Variants in SLC8A1 observed in about 807,000 individuals in gnomAD.
SLC8A1 encodes the protein sodium/calcium exchanger 1.
A neutral mutation model predicts 68.3 loss-of-function variants in SLC8A1; 18 were observed. The observed-to-expected ratio is 0.26, with a 90% confidence interval of 0.18 to 0.39. The LOEUF (loss-of-function observed/expected upper bound fraction) is 0.39. Ranked by LOEUF, SLC8A1 falls within the 10% of genes least tolerant of loss-of-function variation. SLC8A1 has a pLI of 1.00. For missense variants in SLC8A1, 985 were observed against 1,156.7 expected (o/e 0.85, Z 2.15); for synonymous variants, 475 against 415.5 (o/e 1.14, Z -1.74).
At chr2:40,338,699 G>A (rs1263456518) in intron 2 of SLC8A1, among the ~76,000 whole-genome samples, 1 of 152,160 alleles carries the variant, frequency 6.6e-6, no homozygotes, top group Non-Finnish European at 1.5e-5. Context: ...GAAGTCACTA[G>A]GGATGATTCT....
chr2:40,205,986 A>T (rs2055366262), intron 2 of SLC8A1, among the ~76,000 whole-genome samples: 1 of 151,990 alleles, frequency 6.6e-6, no homozygotes. Flanking sequence ...GTGACACAAA[A>T]ATTCTCATTG....
At chr2:40,467,402 TG>T (rs1260525253) in intron 1 of SLC8A1, among the ~76,000 whole-genome samples, 2 of 151,770 alleles carry the variant, frequency 1.3e-5, no homozygotes, top group African/African-American at 4.8e-5. Context: ...CTGATGGGGG[TG>T]GGGGTGAAAG....
chr2:40,322,126 G>A (rs906873773), intron 2 of SLC8A1, among the ~76,000 whole-genome samples: 4 of 152,086 alleles, frequency 2.6e-5, no homozygotes, highest in African/African-American at 9.7e-5. Context: ...TGCACTGGAT[G>A]AGCTTAAGAA....
intron 2 of SLC8A1, chr2:40,251,212 T>G (rs886724641): frequency 2.0e-5 from 3 of 151,700 alleles, no homozygotes; most frequent in Non-Finnish European, 4.4e-5. Flanking sequence ...GTGTGTGAGG[T>G]AGATAAGCTT....
Position 40,313,922 on chromosome 2 carries a change from TATAA to T in SLC8A1, c.1808+114547_1808+114550del, listed in dbSNP as rs1468214561. 4.7e-4 allele frequency among the ~76,000 whole-genome samples: 71 copies of T among 152,238 alleles called. 1 individual carries two copies. Among genetic ancestry groups the T allele is most frequent in the African/African-American group, 1.6e-3 (66 of 41,574 alleles). ...TTTGAGCATTAATTAAATATTCTGA[TATAA>T]ATATTTTGTTAGATATACTATTTGC... On this transcript the variant is annotated intron_variant, in intron 2 of 7. Coordinates refer to ENST00000406785, the Ensembl canonical transcript of SLC8A1.
At chr2:40,400,556 A>T (rs929030309) in intron 2 of SLC8A1, among the ~76,000 whole-genome samples, 3 of 152,136 alleles carry the variant, frequency 2.0e-5, no homozygotes, top group Admixed American at 6.5e-5. Context: ...TCCTTTGTAA[A>T]ACTTTCATGG....
intron 2 of SLC8A1, chr2:40,255,057 T>TTTATTCCCTCTCCA (rs11274804): frequency 6.6e-6 from 1 of 151,810 alleles, no homozygotes; most frequent in South Asian, 2.1e-4. Context: ...TTCTTTCTCC[T>TTTATTCCCTCTCCA]TAAATGACAG....
intron 2 of SLC8A1, among the ~76,000 whole-genome samples, chr2:40,248,092 T>C (rs2062138326): frequency 6.6e-6 from 1 of 152,212 alleles, no homozygotes. Flanking sequence ...TTATGGATTT[T>C]TTAAAAACTG....
intron 2 of SLC8A1, among the ~76,000 whole-genome samples, chr2:40,270,547 T>C (rs1255695434): frequency 6.6e-6 from 1 of 152,210 alleles, no homozygotes; most frequent in Non-Finnish European, 1.5e-5. Context: ...CAACATTGCA[T>C]CTCTCTGACT....
At chr2:40,456,696 C>G (rs1195254635), upstream of SLC8A1, among the ~76,000 whole-genome samples, 1 of 152,180 alleles carries the variant, frequency 6.6e-6, no homozygotes, top group Non-Finnish European at 1.5e-5. Flanking sequence ...AGTTCCTGAT[C>G]ATAGTAATTG....
intron 4 of SLC8A1, among the ~76,000 whole-genome samples, chr2:40,166,189 C>T (rs142337622): frequency 2.0e-5 from 3 of 152,134 alleles, no homozygotes; most frequent in Admixed American, 6.6e-5. Context: ...TGGCCTCCCC[C>T]CTGCTGAGGG....
chr2:40,110,754 A>C (rs1170549323), exon 8 of SLC8A1: 1 of 152,186 alleles, frequency 6.6e-6, no homozygotes, highest in Non-Finnish European at 1.5e-5. Flanking sequence ...GTCAGAATCA[A>C]CAGAGAGACT....
rs70957143 is a variant in SLC8A1 at position 40,107,279 on chromosome 2, C to CAAAAAAAAAAAAAAAAAAAAAA, written c.*7973_*7974insTTTTTTTTTTTTTTTTTTTTTT. ...TGGGCGACAGAGCGAGACTCCGTCT[C>CAAAAAAAAAAAAAAAAAAAAAA]AAAAAAAAAAAAAAAAAAAAGAAAA... On this transcript the variant is annotated 3_prime_UTR_variant, in exon 8 of 8. Transcript: ENST00000406785. The CAAAAAAAAAAAAAAAAAAAAAA allele has an allele frequency of 1.1e-3, 72 of 64,898 alleles. 2 individuals are homozygous for CAAAAAAAAAAAAAAAAAAAAAA. The highest frequency in any genetic ancestry group is 3.9e-3 in the African/African-American group (63 of 16,120). 4.0% of individuals were successfully genotyped at this position (64,898 alleles called of 1,614,324 possible).
At chr2:40,372,582 T>C (rs113469179) in intron 2 of SLC8A1, among the ~76,000 whole-genome samples, 3,814 of 152,248 alleles carry the variant, frequency 0.025, 62 homozygotes, top group Non-Finnish European at 0.037. Flanking sequence ...TGTGGTTGAC[T>C]TCTTTTCTTT....
At position 40,198,865 on chromosome 2, in the gene SLC8A1, A is replaced by G. The variant is rs2053592138; in HGVS notation, c.1809-21010T>C. Among the ~76,000 whole-genome samples, 3 of 151,620 alleles carry G rather than the reference A, an allele frequency of 2.0e-5. No individual in the cohort carries two copies. In the South Asian group the frequency reaches 6.2e-4, roughly 31 times the overall value. On this transcript the variant is annotated intron_variant, in intron 2 of 7. Transcript: ENST00000406785. ...CCCTTTCCCTGCTGATACAGGGTTGAAGGGTTGGCTTGGTGATCAATTCTT... is the reference window on the plus strand; with the variant it reads ...CCCTTTCCCTGCTGATACAGGGTTGGAGGGTTGGCTTGGTGATCAATTCTT...
chr2:40,261,161 A>G (rs2064644368), intron 2 of SLC8A1, among the ~76,000 whole-genome samples: 1 of 152,176 alleles, frequency 6.6e-6, no homozygotes, highest in African/African-American at 2.4e-5. Flanking sequence ...CTATCACACC[A>G]ACTGGAAGGC....
At chr2:40,286,898 G>A (rs1378276021) in intron 2 of SLC8A1, among the ~76,000 whole-genome samples, 3 of 152,186 alleles carry the variant, frequency 2.0e-5, no homozygotes, top group Non-Finnish European at 4.4e-5. Flanking sequence ...GTCCTTGCAC[G>A]TTCAAGTGAA....
chr2:40,251,247 G>C (rs2062700854), intron 2 of SLC8A1: 1 of 152,080 alleles, frequency 6.6e-6, no homozygotes, highest in Admixed American at 6.6e-5. Context: ...AACCAAACCT[G>C]CTAGTCAGAG....
At chr2:40,311,773 A>T (rs557062988) in intron 2 of SLC8A1, among the ~76,000 whole-genome samples, 37 of 152,242 alleles carry the variant, frequency 2.4e-4, no homozygotes, top group Non-Finnish European at 2.1e-4. Context: ...AATATTAAAA[A>T]TAGACTTTGT....
Sources: gnomAD v4.1 joint callset for allele counts (sites outside exome capture counted in the v4.1 genomes callset) on GRCh38, gnomAD v4.1.1 for gene constraint, MANE v1.5 for transcripts, NCBI Gene and HGNC (gene_info 2026-07-23, HGNC 2026-07-21) for gene names.